SYNE2: variants seen among roughly 807,000 people sequenced by gnomAD.
SYNE2 encodes nesprin-2.
A neutral mutation model predicts 856.3 loss-of-function variants in SYNE2; 431 were observed. The observed-to-expected ratio is 0.50, with a 90% CI of 0.47 to 0.55. The LOEUF is 0.55. Ranked by LOEUF, SYNE2 falls within the 20% of genes least tolerant of loss-of-function variation. The pLI is 0.00. For missense variants in SYNE2, 8,129 were observed against 8,023.2 expected, an observed-to-expected ratio of 1.01 and a Z score of -0.50; for synonymous variants, 2,923 against 2,872.3, an observed-to-expected ratio of 1.02 and a Z score of -0.56.
Position 64,075,947 on chromosome 14 carries a change from G to A in SYNE2, c.10869G>A (p.Glu3623=). The change falls in exon 54 of 116, where the codon GAG becomes GAA. Residue 3623 remains glutamate, a splice_region_variant and synonymous_variant. Transcript: ENST00000555002. ...TGCAACTCTCTTAATGCTTTTAGGA[G>A]CTTCAAAGCATCCTTAAGAAAGGGA... ...DHPEKSEQFE[E]LQSILKKGKL... is the part of the protein sequence containing the mutation. The A allele has an allele frequency of 1.9e-6, 3 of 1,613,636 alleles. No homozygotes were observed. The South Asian group carries it at 3.3e-5, about 18-fold the overall frequency.
Position 63,974,892 on chromosome 14 carries a change from GTATATATATA to G in SYNE2, c.1129-1655_1129-1646del, listed in dbSNP as rs145247655. Among the ~76,000 whole-genome samples the G allele has an allele frequency of 1.9e-3, 125 of 67,330 alleles. 1 individual carries two copies. Among genetic ancestry groups the G allele is most frequent in the African/African-American group, 3.3e-3 (73 of 22,376 alleles). 44.2% of individuals were successfully genotyped at this position (67,330 alleles called of 152,430 possible). ...TGTGTGTGTGTGTGTGTGTGTGTGT[GTATATATATA>G]TATATATATATATATGTATCTTGAG... On this transcript the variant is annotated intron_variant, in intron 11 of 115. Coordinates refer to ENST00000555002, the MANE Select transcript of SYNE2 (RefSeq NM_182914.3).
chr14:64,137,399 G>A lies in SYNE2; in HGVS notation c.14647-388G>A, dbSNP rs147203572. 5.1e-3 allele frequency among the ~76,000 whole-genome samples: 769 copies of A among 152,150 alleles called. 7 individuals are homozygous for A. Among genetic ancestry groups the A allele is most frequent in the African/African-American group, 0.018 (737 of 41,522 alleles). On this transcript the variant is annotated intron_variant, in intron 78 of 115. Coordinates refer to ENST00000555002, the MANE Select transcript of SYNE2 (RefSeq NM_182914.3). ...CAAGTAGCTGGGATTACAGGCATGC[G>A]CCACCACACCTAGCTAATTTTTTGT... is the stretch of plus-strand genomic sequence containing the variant.
At chr14:63,823,225 C>T (rs1045446325) in intron 1 of SYNE2, among the ~76,000 whole-genome samples, 1 of 151,520 alleles carries the variant, frequency 6.6e-6, no homozygotes, top group African/African-American at 2.4e-5. Flanking sequence ...GTGGTCCAGG[C>T]TGGAGTGCAG....
chr14:63,838,718 C>A (rs1459754659), intron 1 of SYNE2, among the ~76,000 whole-genome samples: 2 of 152,002 alleles, frequency 1.3e-5, no homozygotes, highest in Non-Finnish European at 2.9e-5. Context: ...TATGTTTCCC[C>A]AGCTTGCCTT....
chr14:64,165,725 G>C (rs1299984769), intron 90 of SYNE2, among the ~76,000 whole-genome samples: 1 of 152,082 alleles, frequency 6.6e-6, no homozygotes, highest in Non-Finnish European at 1.5e-5. Flanking sequence ...TATTGGCCAA[G>C]CTGGTCTTGA....
Position 64,142,007 on chromosome 14 carries a change from G to A in SYNE2, c.15225G>A (p.Val5075=), listed in dbSNP as rs150910346. 11 of 1,614,040 alleles carry A rather than the reference G, an allele frequency of 6.8e-6. No homozygotes were observed. Among genetic ancestry groups the A allele is most frequent in the African/African-American group, 4.0e-5 (3 of 75,036 alleles). ...AAATGATTAGCTGGATGAACAATGT[G>A]GAGCATCAAACTTCAGATGAAGACT... ...ITEMISWMNN[V]EHQTSDEDSV... is the part of the protein sequence containing the mutation. The change falls in exon 82 of 116, where the codon GTG becomes GTA. Residue 5075 remains valine, a synonymous_variant. Coordinates refer to ENST00000555002, the MANE Select transcript of SYNE2 (RefSeq NM_182914.3).
intron 78 of SYNE2, 56 bp downstream of exon 78, chr14:64,134,256 C>T (rs2098059546): frequency 6.3e-7 from 1 of 1,590,692 alleles, no homozygotes; most frequent in Admixed American, 1.7e-5. Flanking sequence ...TTGTGTTTTA[C>T]ATTTGTTTTG....
chr14:64,078,348 C>A, intron 54 of SYNE2, 118 bp from the exon 55 acceptor site: 1 of 1,293,408 alleles, frequency 7.7e-7, no homozygotes, highest in Non-Finnish European at 1.1e-6. Context: ...TTTCTTCCCC[C>A]AGCCCTTAAA....
chr14:63,894,040 A>C (rs1453696493), intron 1 of SYNE2, among the ~76,000 whole-genome samples: 1 of 152,194 alleles, frequency 6.6e-6, no homozygotes, highest in African/African-American at 2.4e-5. Context: ...GTTCACCTCG[A>C]GCCAAGTTAC....
intron 1 of SYNE2, among the ~76,000 whole-genome samples, chr14:63,778,745 C>T (rs1027071037): frequency 2.0e-5 from 3 of 152,094 alleles, no homozygotes; most frequent in Admixed American, 6.6e-5. Flanking sequence ...AAACTGCTGG[C>T]CTCAAGTAAT....
chr14:64,087,623 C>A, intron 57 of SYNE2, 48 bp from the exon 58 acceptor site: 2 of 1,574,446 alleles, frequency 1.3e-6, no homozygotes, highest in African/African-American at 1.3e-5. Context: ...CAGCTTATAT[C>A]AGGATCTTGA....
intron 96 of SYNE2, among the ~76,000 whole-genome samples, chr14:64,180,696 G>T (rs2098453857): frequency 6.6e-6 from 1 of 152,006 alleles, no homozygotes; most frequent in South Asian, 2.1e-4. Flanking sequence ...TAGAGACGGG[G>T]TTTCACCATG....
At chr14:63,901,742 A>T (rs1299042682) in intron 1 of SYNE2, among the ~76,000 whole-genome samples, 1 of 152,154 alleles carries the variant, frequency 6.6e-6, no homozygotes, top group Non-Finnish European at 1.5e-5. Flanking sequence ...TGGGGAATAT[A>T]GGGAGACCCT....
intron 64 of SYNE2, 129 bp from the exon 65 acceptor site, chr14:64,107,362 C>T: frequency 2.5e-6 from 2 of 809,260 alleles, no homozygotes; most frequent in Non-Finnish European, 4.2e-6. Context: ...TTTTTCTAAT[C>T]GTATCTGACT....
intron 1 of SYNE2, among the ~76,000 whole-genome samples, chr14:63,792,826 C>T (rs1037599807): frequency 3.3e-5 from 5 of 151,890 alleles, no homozygotes; most frequent in Non-Finnish European, 2.9e-5. Flanking sequence ...ACTACAAGTG[C>T]GTGCTACCAT....
chr14:64,007,297 T>G (rs1457380170), intron 31 of SYNE2, 75 bp downstream of exon 31: 1 of 1,400,392 alleles, frequency 7.1e-7, no homozygotes, highest in Non-Finnish European at 1.0e-6. Flanking sequence ...AACTTCTGGG[T>G]TGAAAACACA....
chr14:63,966,844 G>A (rs1463483993), intron 10 of SYNE2, among the ~76,000 whole-genome samples: 1 of 152,046 alleles, frequency 6.6e-6, no homozygotes, highest in Non-Finnish European at 1.5e-5. Context: ...ACAGTCATGA[G>A]CCTCAGTGCC....
At chr14:64,082,147 T>C (rs2097529374) in intron 57 of SYNE2, among the ~76,000 whole-genome samples, 1 of 152,006 alleles carries the variant, frequency 6.6e-6, no homozygotes, top group South Asian at 2.1e-4. Context: ...AATTCTAAGA[T>C]GCCCCCCAAT....
At chr14:64,075,844 T>A in intron 53 of SYNE2, 101 bp from the exon 54 acceptor site, 2 of 1,327,318 alleles carry the variant, frequency 1.5e-6, no homozygotes, top group South Asian at 2.4e-5. Flanking sequence ...CAAACTGCAC[T>A]CCTTTAAATC....
Sources: gnomAD v4.1 joint callset for allele counts (sites outside exome capture counted in the v4.1 genomes callset) on GRCh38, gnomAD v4.1.1 for gene constraint, MANE v1.5 for transcripts, NCBI Gene and HGNC (gene_info 2026-07-23, HGNC 2026-07-21) for gene names.